ZNF423: variants seen among roughly 807,000 people sequenced by gnomAD.
The protein encoded by ZNF423 is zinc finger protein 423.
ZNF423 carries 12 observed loss-of-function variants against 95.8 expected under a neutral mutation model. The observed-to-expected ratio is 0.13, with a 90% confidence interval of 0.08 to 0.20. The LOEUF is 0.20. Ranked by LOEUF, ZNF423 falls within the 10% of genes least tolerant of loss-of-function variation. The probability of loss-of-function intolerance (pLI) is 1.00; values close to 1 mark genes in which losing one functional copy is unlikely to be tolerated. For synonymous variants in ZNF423, 749 were observed against 711.9 expected (o/e 1.05, Z -0.83); for missense variants, 1,316 against 1,737.1 (o/e 0.76, Z 4.31).
intron 3 of ZNF423, among the ~76,000 whole-genome samples, chr16:49,653,415 C>T (rs1013582326): frequency 6.6e-6 from 1 of 151,914 alleles, no homozygotes; most frequent in Non-Finnish European, 1.5e-5. Context: ...AATTGGTACC[C>T]GGAACAATTT....
At chr16:49,558,086 G>T (rs1969894369) in intron 5 of ZNF423, among the ~76,000 whole-genome samples, 1 of 152,188 alleles carries the variant, frequency 6.6e-6, no homozygotes, top group Non-Finnish European at 1.5e-5. Context: ...AGTTTTGCTT[G>T]CAGAAAAACA....
At chr16:49,534,238 CTTTTTTTTTGTTTT>C (rs1048150303) in intron 5 of ZNF423, among the ~76,000 whole-genome samples, 4 of 54,112 alleles carry the variant, frequency 7.4e-5, no homozygotes, top group Admixed American at 2.6e-4. Context: ...ACTTCTCCTT[CTTTTTTTTTGTTTT>C]TTTTTTTTTG....
intron 2 of ZNF423, among the ~76,000 whole-genome samples, chr16:49,736,963 G>A (rs925627426): frequency 2.0e-5 from 3 of 152,088 alleles, no homozygotes; most frequent in Non-Finnish European, 4.4e-5. Context: ...CAGAGGCCTT[G>A]CCAGGGACAG....
intron 3 of ZNF423, among the ~76,000 whole-genome samples, chr16:49,723,112 C>T (rs1172897772): frequency 3.9e-5 from 6 of 152,036 alleles, no homozygotes; most frequent in Admixed American, 1.3e-4. Flanking sequence ...CCCGCCACCA[C>T]GCCCGGCTAA....
chr16:49,615,729 G>A (rs1450506461), intron 5 of ZNF423, among the ~76,000 whole-genome samples: 3 of 152,150 alleles, frequency 2.0e-5, no homozygotes, highest in Non-Finnish European at 4.4e-5. Flanking sequence ...TAGGCACCAG[G>A]AGCATCACCC....
At chr16:49,813,396 C>T (rs2034785136) in intron 1 of ZNF423, among the ~76,000 whole-genome samples, 1 of 152,172 alleles carries the variant, frequency 6.6e-6, no homozygotes, top group South Asian at 2.1e-4. Flanking sequence ...TATCCACTGC[C>T]CCAGCCTCGG....
At chr16:49,523,554 G>C in intron 7 of ZNF423, 70 bp downstream of exon 7, 1 of 1,378,268 alleles carries the variant, frequency 7.3e-7, no homozygotes, top group Non-Finnish European at 1.0e-6. Flanking sequence ...CCTTAACCCT[G>C]AGACCGTCGG....
intron 3 of ZNF423, among the ~76,000 whole-genome samples, chr16:49,717,605 G>A (rs1445594107): frequency 2.0e-5 from 3 of 152,220 alleles, no homozygotes; most frequent in Non-Finnish European, 4.4e-5. Context: ...CCCTTCACTG[G>A]AGTCCCTGGA....
chr16:49,767,152 C>G (rs983487408), intron 2 of ZNF423, among the ~76,000 whole-genome samples: 3 of 151,954 alleles, frequency 2.0e-5, no homozygotes, highest in African/African-American at 7.3e-5. Context: ...GATGGGGTCT[C>G]GCTATGCTGC....
chr16:49,757,522 C>A (rs2033749517), intron 2 of ZNF423, among the ~76,000 whole-genome samples: 1 of 152,146 alleles, frequency 6.6e-6, no homozygotes, highest in African/African-American at 2.4e-5. Flanking sequence ...TGCTGTTGAC[C>A]CAGCATTTGA....
intron 2 of ZNF423, among the ~76,000 whole-genome samples, chr16:49,757,580 A>G (rs748674769): frequency 1.3e-5 from 2 of 152,238 alleles, no homozygotes; most frequent in Non-Finnish European, 2.9e-5. Context: ...AGTAACTTCT[A>G]AAATTCAACA....
chr16:49,622,583 CA>C (rs1227991864), intron 5 of ZNF423, among the ~76,000 whole-genome samples: 1 of 152,240 alleles, frequency 6.6e-6, no homozygotes, highest in African/African-American at 2.4e-5. Flanking sequence ...GTTCTGGGAG[CA>C]CCCACATCAC....
At chr16:49,618,653 T>A (rs890358837) in intron 5 of ZNF423, among the ~76,000 whole-genome samples, 3 of 152,206 alleles carry the variant, frequency 2.0e-5, no homozygotes, top group Non-Finnish European at 4.4e-5. Flanking sequence ...TTTTCTTTTA[T>A]AAATCACCCA....
intron 2 of ZNF423, among the ~76,000 whole-genome samples, chr16:49,775,145 C>G (rs1195003506): frequency 6.6e-6 from 1 of 152,102 alleles, no homozygotes; most frequent in Non-Finnish European, 1.5e-5. Flanking sequence ...TTTCCAGGGT[C>G]AATTGAAGAA....
At chr16:49,546,184 A>G (rs929403020) in intron 5 of ZNF423, among the ~76,000 whole-genome samples, 2 of 152,226 alleles carry the variant, frequency 1.3e-5, no homozygotes, top group African/African-American at 2.4e-5. Flanking sequence ...GATCAAGCAC[A>G]TTGCCCAGCA....
chr16:49,761,836 G>C (rs2033837953), intron 2 of ZNF423, among the ~76,000 whole-genome samples: 2 of 152,194 alleles, frequency 1.3e-5, no homozygotes, highest in African/African-American at 4.8e-5. Flanking sequence ...AAAAGAGAGA[G>C]AGACAGGGTC....
At chr16:49,782,900 G>A (rs2034236272) in intron 2 of ZNF423, among the ~76,000 whole-genome samples, 2 of 151,280 alleles carry the variant, frequency 1.3e-5, no homozygotes, top group Non-Finnish European at 2.9e-5. Flanking sequence ...GAGACAGGAG[G>A]ATTGTTTGAG....
chr16:49,822,821 T>C, intron 1 of ZNF423: 1 of 1,056,770 alleles, frequency 9.5e-7, no homozygotes, highest in Non-Finnish European at 1.3e-6. Context: ...GTATACCCAT[T>C]TGACAGATGA....
intron 1 of ZNF423, among the ~76,000 whole-genome samples, chr16:49,842,977 CA>C (rs71380379): frequency 2.5e-3 from 242 of 97,308 alleles, no homozygotes; most frequent in Middle Eastern, 5.6e-3. Context: ...GACTCCGTCT[CA>C]AAAAAAAAAA....
Sources: allele counts gnomAD v4.1 joint callset (sites outside exome capture counted in the v4.1 genomes callset), GRCh38; gene constraint gnomAD v4.1.1; transcripts MANE v1.5; gene names NCBI Gene and HGNC (gene_info 2026-07-23, HGNC 2026-07-21).